The following COG5 variants were observed in gnomAD, a reference collection of about 807,000 sequenced individuals.
COG5 encodes conserved oligomeric Golgi complex subunit 5.
A neutral mutation model predicts 110.4 loss-of-function variants in COG5; 86 were observed. The observed-to-expected ratio is 0.78, with a 90% CI of 0.65 to 0.93. COG5 has a LOEUF of 0.93. COG5 is among the 40% of genes least tolerant of loss of function. COG5 has a pLI of 0.00. For synonymous variants in COG5, 360 were observed against 334.6 expected (o/e 1.08, Z -0.83); for missense variants, 1,077 against 987.0 (o/e 1.09, Z -1.22).
At chr7:107,442,421 C>A (rs1473627135) in intron 6 of COG5, among the ~76,000 whole-genome samples, 1 of 151,922 alleles carries the variant, frequency 6.6e-6, no homozygotes, top group East Asian at 1.9e-4. Context: ...CAGACTAATA[C>A]ATCTGGCCTT....
chr7:107,304,970 C>T (rs1003224478), intron 11 of COG5, among the ~76,000 whole-genome samples: 1 of 152,032 alleles, frequency 6.6e-6, no homozygotes, highest in Admixed American at 6.6e-5. Context: ...AGATTATACT[C>T]GAGTGAAGAA....
intron 10 of COG5, among the ~76,000 whole-genome samples, chr7:107,357,645 T>C (rs968374779): frequency 3.9e-5 from 6 of 152,144 alleles, no homozygotes; most frequent in African/African-American, 1.4e-4. Context: ...ATGATTCATA[T>C]GCATTTTCTT....
intron 8 of COG5, among the ~76,000 whole-genome samples, chr7:107,365,127 A>G (rs184723661): frequency 6.6e-6 from 1 of 152,266 alleles, no homozygotes; most frequent in East Asian, 1.9e-4. Context: ...TTTAAATACA[A>G]GCAGAAATAC....
At chr7:107,366,422 T>A (rs572541819) in intron 8 of COG5, among the ~76,000 whole-genome samples, 1 of 152,030 alleles carries the variant, frequency 6.6e-6, no homozygotes, top group Non-Finnish European at 1.5e-5. Flanking sequence ...ATGCATAAAG[T>A]TCTTGAAAAG....
At chr7:107,464,468 C>T (rs949431084) in intron 6 of COG5, among the ~76,000 whole-genome samples, 7 of 152,102 alleles carry the variant, frequency 4.6e-5, no homozygotes, top group Non-Finnish European at 2.9e-5. Flanking sequence ...ACAGGCAGGT[C>T]GTTAGGAGAC....
chr7:107,214,318 C>T (rs1202992148), intron 19 of COG5, among the ~76,000 whole-genome samples: 1 of 152,072 alleles, frequency 6.6e-6, no homozygotes, highest in African/African-American at 2.4e-5. Flanking sequence ...AAAAACCCTG[C>T]AGGGCAGCAT....
chr7:107,230,762 C>A, intron 18 of COG5, 71 bp from the exon 19 acceptor site: 2 of 1,213,248 alleles, frequency 1.6e-6, no homozygotes, highest in Non-Finnish European at 2.4e-6. Flanking sequence ...AGACCCGGAT[C>A]ACAGAAAGTT....
At chr7:107,227,801 C>T (rs954162468) in intron 19 of COG5, among the ~76,000 whole-genome samples, 2 of 152,030 alleles carry the variant, frequency 1.3e-5, no homozygotes, top group African/African-American at 2.4e-5. Flanking sequence ...CTCCAGCTCC[C>T]GGGTTAAAGT....
intron 6 of COG5, among the ~76,000 whole-genome samples, chr7:107,478,254 C>T (rs76306991): frequency 6.6e-6 from 1 of 152,054 alleles, no homozygotes; most frequent in Non-Finnish European, 1.5e-5. Flanking sequence ...TACTACTGAA[C>T]AAATGTTCAA....
intron 6 of COG5, among the ~76,000 whole-genome samples, chr7:107,521,247 G>C (rs1290553191): frequency 6.6e-6 from 1 of 152,178 alleles, no homozygotes; most frequent in Non-Finnish European, 1.5e-5. Flanking sequence ...AAGATTTCAT[G>C]ATGAAAACGC....
At chr7:107,286,498 T>C (rs1805642906) in intron 12 of COG5, among the ~76,000 whole-genome samples, 1 of 152,228 alleles carries the variant, frequency 6.6e-6, no homozygotes, top group Admixed American at 6.5e-5. Context: ...AGATGTTCTC[T>C]GTATCTGCTG....
At chr7:107,492,164 G>A (rs188223318) in intron 6 of COG5, among the ~76,000 whole-genome samples, 1 of 95,866 alleles carries the variant, frequency 1.0e-5, no homozygotes, top group African/African-American at 3.9e-5. Flanking sequence ...AAACAACAAT[G>A]GGTAGTGTGT....
rs1491398279 is a variant in COG5, at chr7:107,563,543, ATG to A, written c.94+258_94+259del. 9.0e-3 allele frequency: 2,829 copies of A among 314,596 alleles called. 22 individuals are homozygous for A. Among genetic ancestry groups the A allele is most frequent in the Non-Finnish European group, 0.011 (1,977 of 179,210 alleles). 19.5% of individuals were successfully genotyped at this position (314,596 alleles called of 1,614,324 possible). On this transcript the variant is annotated intron_variant, in intron 1 of 21. Transcript: ENST00000297135. ...CCGAAACTTCAGGGAAGCTGGAGGC[ATG>A]GGGGGGGGGGGGGTCGAGTTGAAAT...
intron 6 of COG5, among the ~76,000 whole-genome samples, chr7:107,502,120 G>T (rs551678499): frequency 6.6e-6 from 1 of 152,038 alleles, no homozygotes; most frequent in Non-Finnish European, 1.5e-5. Flanking sequence ...TATCACACAA[G>T]TAGTGTACTT....
At chr7:107,260,144 C>T (rs1477348992) in intron 14 of COG5, among the ~76,000 whole-genome samples, 1 of 148,828 alleles carries the variant, frequency 6.7e-6, no homozygotes, top group Non-Finnish European at 1.5e-5. Flanking sequence ...TTCATAGCAG[C>T]ATTTATTCAT....
At chr7:107,233,597 A>C (rs1235879879) in intron 18 of COG5, among the ~76,000 whole-genome samples, 1 of 152,216 alleles carries the variant, frequency 6.6e-6, no homozygotes, top group Non-Finnish European at 1.5e-5. Context: ...CCTGGTCTAT[A>C]GGTCCCTTCT....
intron 8 of COG5, among the ~76,000 whole-genome samples, chr7:107,367,425 T>C (rs989389915): frequency 6.6e-6 from 1 of 152,092 alleles, no homozygotes; most frequent in African/African-American, 2.4e-5. Context: ...GTCCCACTAC[T>C]GGGTATCTAC....
intron 6 of COG5, among the ~76,000 whole-genome samples, chr7:107,429,055 A>G (rs976093157): frequency 3.3e-5 from 5 of 152,244 alleles, no homozygotes; most frequent in African/African-American, 4.8e-5. Flanking sequence ...TGCTGTTTAA[A>G]AAAAGCCAAG....
At chr7:107,228,881 G>T (rs539235878) in intron 19 of COG5, among the ~76,000 whole-genome samples, 1 of 151,836 alleles carries the variant, frequency 6.6e-6, no homozygotes, top group South Asian at 2.1e-4. Flanking sequence ...TATTCCACCA[G>T]AAGTTTCTAC....
Sources: gnomAD v4.1 joint callset for allele counts (sites outside exome capture counted in the v4.1 genomes callset) on GRCh38, gnomAD v4.1.1 for gene constraint, MANE v1.5 for transcripts, NCBI Gene and HGNC (gene_info 2026-07-23, HGNC 2026-07-21) for gene names.